The following WDR70 variants were observed in gnomAD, a reference collection of about 807,000 sequenced individuals.
The protein encoded by WDR70 is WD repeat-containing protein 70.
A neutral mutation model predicts 88.6 loss-of-function variants in WDR70; 53 were observed. The ratio of observed to expected loss-of-function variants is 0.60; its 90% confidence interval spans 0.48 to 0.75. The LOEUF (loss-of-function observed/expected upper bound fraction) is 0.75. Ranked by LOEUF, WDR70 falls within the 30% of genes least tolerant of loss-of-function variation. WDR70 has a pLI of 0.00. For synonymous variants in WDR70, 280 were observed against 270.0 expected (o/e 1.04, Z -0.36); for missense variants, 610 against 823.2 (o/e 0.74, Z 3.17).
intron 9 of WDR70, among the ~76,000 whole-genome samples, chr5:37,593,552 A>G (rs1743604401): frequency 6.6e-6 from 1 of 152,172 alleles, no homozygotes; most frequent in Non-Finnish European, 1.5e-5. Context: ...TCTATCATTG[A>G]TGGACATTTG....
At chr5:37,644,042 G>T (rs896603218) in intron 10 of WDR70, among the ~76,000 whole-genome samples, 1 of 151,928 alleles carries the variant, frequency 6.6e-6, no homozygotes, top group Non-Finnish European at 1.5e-5. Flanking sequence ...TGGTGAAAGT[G>T]AACATCCTTG....
At chr5:37,705,732 A>T (rs547567419) in intron 13 of WDR70, among the ~76,000 whole-genome samples, 1 of 152,286 alleles carries the variant, frequency 6.6e-6, no homozygotes, top group African/African-American at 2.4e-5. Context: ...TTTGTGTTGG[A>T]AATACCACAC....
intron 7 of WDR70, among the ~76,000 whole-genome samples, chr5:37,450,673 A>G (rs964789144): frequency 1.3e-5 from 2 of 152,168 alleles, no homozygotes; most frequent in African/African-American, 4.8e-5. Flanking sequence ...AATTTTTCTT[A>G]ATGTCTTTTA....
At chr5:37,636,467 A>T (rs948679198) in intron 10 of WDR70, among the ~76,000 whole-genome samples, 5 of 152,246 alleles carry the variant, frequency 3.3e-5, no homozygotes, top group African/African-American at 1.2e-4. Context: ...ATATTTACAT[A>T]GTTTCAAGGT....
intron 10 of WDR70, among the ~76,000 whole-genome samples, chr5:37,621,549 T>C (rs1744505962): frequency 6.6e-6 from 1 of 152,206 alleles, no homozygotes; most frequent in African/African-American, 2.4e-5. Flanking sequence ...TCTGTTCATA[T>C]GCTTTGCCCA....
intron 4 of WDR70, among the ~76,000 whole-genome samples, chr5:37,393,666 G>C (rs1460627733): frequency 1.3e-5 from 2 of 151,896 alleles, no homozygotes; most frequent in Non-Finnish European, 2.9e-5. Context: ...AATTTCCAAG[G>C]TTCCTCTTGT....
At chr5:37,721,060 T>A in intron 13 of WDR70, 55 bp from the exon 14 acceptor site, 1 of 1,474,866 alleles carries the variant, frequency 6.8e-7, no homozygotes, top group South Asian at 1.1e-5. Flanking sequence ...ACCAGCAGGA[T>A]TGTTTCCATT....
At chr5:37,615,518 T>C (rs1237135588) in intron 10 of WDR70, among the ~76,000 whole-genome samples, 2 of 152,190 alleles carry the variant, frequency 1.3e-5, no homozygotes, top group Non-Finnish European at 2.9e-5. Flanking sequence ...TCTGTGTTAG[T>C]GCAAAGGGAC....
At chr5:37,589,569 T>C (rs1358158808) in intron 9 of WDR70, among the ~76,000 whole-genome samples, 1 of 152,128 alleles carries the variant, frequency 6.6e-6, no homozygotes, top group Non-Finnish European at 1.5e-5. Context: ...TTTTTCTTGC[T>C]GCTTATTTAT....
chr5:37,744,819 A>G (rs184300482), intron 17 of WDR70, among the ~76,000 whole-genome samples: 4 of 152,286 alleles, frequency 2.6e-5, no homozygotes, highest in Admixed American at 2.0e-4. Flanking sequence ...TTGGAGTACC[A>G]GAAGAAGATG....
chr5:37,507,793 G>A lies in WDR70; in HGVS notation c.841-8721G>A, dbSNP rs561432049. ...TTGTTTTTTTGAGTTATTACAAATA[G>A]GACTTTAAAATATTTTTTGGTTTCT... On this transcript the variant is annotated intron_variant, in intron 8 of 17. Coordinates refer to ENST00000265107, the MANE Select transcript of WDR70 (RefSeq NM_018034.4). Among the ~76,000 whole-genome samples the A allele has an allele frequency of 1.6e-4, 24 of 152,186 alleles. No homozygotes were observed. In the East Asian group the frequency reaches 4.6e-3, roughly 29 times the overall value.
chr5:37,725,452 A>G (rs1747943269), intron 16 of WDR70, among the ~76,000 whole-genome samples: 1 of 152,080 alleles, frequency 6.6e-6, no homozygotes, highest in South Asian at 2.1e-4. Context: ...CACACAAGGC[A>G]GAATGTGGCC....
chr5:37,749,475 A>G (rs762269677), intron 17 of WDR70, among the ~76,000 whole-genome samples: 5 of 152,076 alleles, frequency 3.3e-5, no homozygotes, highest in Non-Finnish European at 5.9e-5. Flanking sequence ...AACTTAGAGG[A>G]CAGGTCATGC....
intron 17 of WDR70, among the ~76,000 whole-genome samples, chr5:37,746,389 A>G (rs1200549280): frequency 6.6e-6 from 1 of 152,172 alleles, no homozygotes; most frequent in Non-Finnish European, 1.5e-5. Context: ...GAGCAGACTA[A>G]TCCAAAAGCT....
chr5:37,723,170 C>A, intron 15 of WDR70: 1 of 541,100 alleles, frequency 1.8e-6, no homozygotes, highest in Non-Finnish European at 3.3e-6. Context: ...AAAGCCTGTT[C>A]GAGTCCAATA....
chr5:37,391,852 T>C, intron 3 of WDR70, 148 bp from the exon 4 acceptor site: 1 of 776,500 alleles, frequency 1.3e-6, no homozygotes, highest in South Asian at 2.2e-5. Flanking sequence ...TGTTTTCCAG[T>C]GGCTGTGGTT....
intron 7 of WDR70, among the ~76,000 whole-genome samples, chr5:37,478,001 C>T (rs1739539720): frequency 6.6e-6 from 1 of 152,190 alleles, no homozygotes; most frequent in Non-Finnish European, 1.5e-5. Flanking sequence ...TTGGATGTGA[C>T]TGTCAGCTGC....
intron 7 of WDR70, among the ~76,000 whole-genome samples, chr5:37,468,239 G>C (rs1439579702): frequency 1.2e-4 from 18 of 152,066 alleles, no homozygotes; most frequent in Admixed American, 1.2e-3. Context: ...AAATCTGATA[G>C]GTTTCTTTCT....
intron 15 of WDR70, chr5:37,724,103 G>A (rs556105846): frequency 6.6e-6 from 1 of 152,098 alleles, no homozygotes; most frequent in Non-Finnish European, 1.5e-5. Flanking sequence ...TTTAAAGGGG[G>A]TTTAATCTGC....
Sources: gnomAD v4.1 joint callset for allele counts (sites outside exome capture counted in the v4.1 genomes callset) on GRCh38, gnomAD v4.1.1 for gene constraint, MANE v1.5 for transcripts, NCBI Gene and HGNC (gene_info 2026-07-23, HGNC 2026-07-21) for gene names.